The following RXRA variants were observed in gnomAD, a reference collection of about 807,000 sequenced individuals.
RXRA encodes the protein retinoid X receptor alpha.
In RXRA, 5 loss-of-function variants were observed where a neutral mutation model predicts 44.5. The ratio of observed to expected loss-of-function variants is 0.11; its 90% confidence interval spans 0.06 to 0.24. The LOEUF (loss-of-function observed/expected upper bound fraction) is 0.24, where lower values mean the gene tolerates loss of function less well. Ranked by LOEUF, RXRA falls within the 10% of genes least tolerant of loss-of-function variation. RXRA has a pLI of 1.00. For synonymous variants in RXRA, 291 were observed against 271.4 expected (o/e 1.07, Z -0.71); for missense variants, 412 against 646.5 (o/e 0.64, Z 3.93).
chr9:134,381,832 T>C (rs1050155774), intron 1 of RXRA, among the ~76,000 whole-genome samples: 8 of 152,066 alleles, frequency 5.3e-5, no homozygotes, highest in African/African-American at 1.9e-4. Context: ...GCACCTTAGG[T>C]GCTCCGTCGT....
At chr9:134,358,757 C>T (rs570802311) in intron 1 of RXRA, among the ~76,000 whole-genome samples, 118 of 152,340 alleles carry the variant, frequency 7.7e-4, no homozygotes, top group Non-Finnish European at 1.2e-3. Context: ...GCCTGGGCCC[C>T]GGCTGGGGTC....
At chr9:134,362,864 C>T (rs1488837114) in intron 1 of RXRA, among the ~76,000 whole-genome samples, 3 of 152,230 alleles carry the variant, frequency 2.0e-5, no homozygotes, top group African/African-American at 4.8e-5. Flanking sequence ...CCTGTGTGTG[C>T]CCCCATGCCC....
chr9:134,346,841 A>T (rs937167230), intron 1 of RXRA, among the ~76,000 whole-genome samples: 4 of 152,198 alleles, frequency 2.6e-5, no homozygotes, highest in African/African-American at 9.6e-5. Context: ...TTGTCGGGAC[A>T]GTGTGGGTTG....
intron 1 of RXRA, chr9:134,379,881 C>G (rs1830615912): frequency 1.0e-6 from 1 of 985,190 alleles, no homozygotes; most frequent in Non-Finnish European, 1.2e-6. Context: ...GGCTCCAGCC[C>G]CCTCTCCAGT....
Position 134,421,563 on chromosome 9 carries a change from C to T in RXRA, c.781-113C>T, listed in dbSNP as rs34807644. 7.8e-5 allele frequency: 96 copies of T among 1,232,772 alleles called. No individual in the cohort carries two copies. The East Asian group carries it at 1.8e-3, about 23-fold the overall frequency. The allele number at this position is 1,232,772 out of a possible 1,614,324, so 76.4% of individuals were successfully genotyped here. On this transcript the variant is annotated intron_variant, in intron 5 of 9. Coordinates refer to ENST00000481739, the MANE Select transcript of RXRA (RefSeq NM_002957.6). Reference sequence around the variant, plus strand: ...TTGGGGCCTGGGCATCTTTGGGGGCCGTATTCAGCGTCCTGCATGGGCCCA... The same window carrying T: ...TTGGGGCCTGGGCATCTTTGGGGGCTGTATTCAGCGTCCTGCATGGGCCCA...
chr9:134,330,496 A>G (rs1384089899), intron 1 of RXRA, among the ~76,000 whole-genome samples: 1 of 152,108 alleles, frequency 6.6e-6, no homozygotes, highest in Non-Finnish European at 1.5e-5. Context: ...TAAGCTGATC[A>G]GTTTCAGGGT....
At chr9:134,371,782 A>G (rs1830493955) in intron 1 of RXRA, among the ~76,000 whole-genome samples, 1 of 152,168 alleles carries the variant, frequency 6.6e-6, no homozygotes, top group Non-Finnish European at 1.5e-5. Context: ...TCGGGGCCAC[A>G]GGGCAGCCAT....
At chr9:134,357,887 G>A (rs1282662547) in intron 1 of RXRA, among the ~76,000 whole-genome samples, 2 of 152,236 alleles carry the variant, frequency 1.3e-5, no homozygotes, top group Non-Finnish European at 2.9e-5. Flanking sequence ...GGCCATGGGG[G>A]CAGTCTACAG....
At chr9:134,416,536 G>GC (rs1831237616) in intron 4 of RXRA, among the ~76,000 whole-genome samples, 1 of 152,192 alleles carries the variant, frequency 6.6e-6, no homozygotes, top group South Asian at 2.1e-4. Context: ...CCAGGGTGGG[G>GC]CCGGGCGCCT....
At chr9:134,425,917 G>T in intron 6 of RXRA, 1 of 985,430 alleles carries the variant, frequency 1.0e-6, no homozygotes, top group African/African-American at 1.7e-5. Flanking sequence ...TGGTGGCTCA[G>T]AGGTGAGACA....
rs764934531 is a variant in RXRA, at chr9:134,401,856, C to G, written c.253C>G (p.Leu85Val). The G allele has an allele frequency of 1.9e-6, 3 of 1,610,944 alleles. No individual in the cohort carries two copies. Among genetic ancestry groups the G allele is most frequent in the Non-Finnish European group, 2.5e-6 (3 of 1,178,574 alleles). The change falls in exon 2 of 10, where the codon CTG becomes GTG. Residue 85 changes from leucine to valine, a missense_variant. By Grantham distance (32) the Leu-to-Val change is conservative. This residue lies in a region of RXRA where 156 missense variants were observed against 177.2 expected (regional missense o/e 0.88). Coordinates refer to ENST00000481739, the MANE Select transcript of RXRA (RefSeq NM_002957.6). ...CATGTCGGTGCCCACCACACCCACC[C>G]TGGGCTTCAGCACTGGCAGCCCCCA... is the stretch of plus-strand genomic sequence containing the variant. ...HSMSVPTTPTLGFSTGSPQLS... is the reference protein window; with the variant it reads ...HSMSVPTTPTVGFSTGSPQLS...
intron 1 of RXRA, among the ~76,000 whole-genome samples, chr9:134,346,410 C>T (rs1487585889): frequency 6.6e-6 from 1 of 152,192 alleles, no homozygotes; most frequent in African/African-American, 2.4e-5. Context: ...CATCCAGGAG[C>T]CTCCCCAGAC....
rs994753008 is a variant in RXRA, at chr9:134,438,340, AGT to A, written c.*1729_*1730del. On this transcript the variant is annotated 3_prime_UTR_variant, in exon 10 of 10. Transcript: ENST00000481739. ...GCTTTCCAGCCTTGGTGGGGAAGAA[AGT>A]GTCCATTCTTTGCCTTCCTGGAGCT... 6.6e-6 allele frequency: 1 copy of A among 152,286 alleles called. No homozygotes were observed. The highest frequency in any genetic ancestry group is 1.5e-5 in the Non-Finnish European group (1 of 68,124). 9.4% of individuals were successfully genotyped at this position (152,286 alleles called of 1,614,324 possible). A position where few individuals can be genotyped will look rare whatever the true frequency, so the allele number is the denominator to read the frequency against.
chr9:134,436,986 C>A lies in RXRA; in HGVS notation c.*372C>A. 1 of 224,986 alleles carries A rather than the reference C, an allele frequency of 4.4e-6. No individual in the cohort carries two copies. The highest frequency in any genetic ancestry group is 8.9e-6 in the Non-Finnish European group (1 of 112,362). The allele number at this position is 224,986 out of a possible 1,614,324, so 13.9% of individuals were successfully genotyped here. On this transcript the variant is annotated 3_prime_UTR_variant, in exon 10 of 10. Coordinates refer to ENST00000481739, the MANE Select transcript of RXRA (RefSeq NM_002957.6). Reference sequence around the variant, plus strand: ...GAGTTGGGAACGGGGCTTTTGTTTCCGTTGCTGTTTATCGATGCTGGTTTT... The same window carrying A: ...GAGTTGGGAACGGGGCTTTTGTTTCAGTTGCTGTTTATCGATGCTGGTTTT...
At chr9:134,363,407 C>T (rs1189305929) in intron 1 of RXRA, among the ~76,000 whole-genome samples, 1 of 152,250 alleles carries the variant, frequency 6.6e-6, no homozygotes, top group Non-Finnish European at 1.5e-5. Flanking sequence ...AGGGAGTCAG[C>T]TAATTTCATA....
intron 1 of RXRA, among the ~76,000 whole-genome samples, chr9:134,377,896 G>A (rs1361172286): frequency 6.6e-6 from 1 of 152,220 alleles, no homozygotes; most frequent in African/African-American, 2.4e-5. Flanking sequence ...GGTGCTGAGT[G>A]GGGACCCTCC....
At chr9:134,422,961 C>G (rs1034728590) in intron 6 of RXRA, 2 of 985,486 alleles carry the variant, frequency 2.0e-6, no homozygotes, top group African/African-American at 3.5e-5. Flanking sequence ...TGCACAGAGC[C>G]ACTGCACAGA....
chr9:134,338,032 TGGGCTGCCAGG>T (rs1830032474), intron 1 of RXRA, among the ~76,000 whole-genome samples: 1 of 152,154 alleles, frequency 6.6e-6, no homozygotes, highest in Non-Finnish European at 1.5e-5. Flanking sequence ...CTTGCCCTCG[TGGGCTGCCAGG>T]CCAGCGGGGG....
intron 6 of RXRA, chr9:134,424,873 G>T: frequency 2.0e-6 from 2 of 985,468 alleles, no homozygotes; most frequent in Non-Finnish European, 2.4e-6. Context: ...CTGGCAGGAG[G>T]CAGTGGCAGA....
Sources: gnomAD v4.1 joint callset for allele counts (sites outside exome capture counted in the v4.1 genomes callset) on GRCh38, gnomAD v4.1.1 for gene constraint, gnomAD v4.1.1 regional missense constraint, MANE v1.5 for transcripts, NCBI Gene and HGNC (gene_info 2026-07-23, HGNC 2026-07-21) for gene names.